DCC: variants seen among roughly 807,000 people sequenced by gnomAD.
DCC encodes the protein netrin receptor DCC.
Under a neutral mutation model 172.5 loss-of-function variants are expected in DCC, and 58 were observed. That is an observed-to-expected ratio of 0.34 (90% CI 0.27 to 0.42). The LOEUF is 0.42. Ranked by LOEUF, DCC falls within the 10% of genes least tolerant of loss-of-function variation. The probability of loss-of-function intolerance (pLI) is 1.00; values close to 1 mark genes in which losing one functional copy is unlikely to be tolerated. For synonymous variants in DCC, 709 were observed against 644.5 expected (o/e 1.10, Z -1.52); for missense variants, 1,740 against 1,791.0 (o/e 0.97, Z 0.51).
At chr18:52,759,796 C>T (rs943469237) in intron 2 of DCC, among the ~76,000 whole-genome samples, 1 of 152,024 alleles carries the variant, frequency 6.6e-6, no homozygotes, top group African/African-American at 2.4e-5. Flanking sequence ...TTTAACAAAA[C>T]ACAGATTAAC....
chr18:53,461,494 A>G (rs1009453646), intron 24 of DCC, among the ~76,000 whole-genome samples: 1 of 152,126 alleles, frequency 6.6e-6, no homozygotes, highest in South Asian at 2.1e-4. Flanking sequence ...TCAGCTTTCT[A>G]CATATGGCTA....
chr18:52,659,266 G>A (rs1176973161), intron 1 of DCC, among the ~76,000 whole-genome samples: 1 of 151,994 alleles, frequency 6.6e-6, no homozygotes, highest in Non-Finnish European at 1.5e-5. Flanking sequence ...CCTCTCATTT[G>A]GGGAGTAAAT....
At chr18:52,489,497 A>G (rs1173226672) in intron 1 of DCC, among the ~76,000 whole-genome samples, 1 of 152,164 alleles carries the variant, frequency 6.6e-6, no homozygotes, top group Non-Finnish European at 1.5e-5. Context: ...TGAGATCTCA[A>G]AAACGTGAGA....
chr18:52,807,025 T>C (rs1478074378), intron 2 of DCC, among the ~76,000 whole-genome samples: 1 of 152,100 alleles, frequency 6.6e-6, no homozygotes, highest in Non-Finnish European at 1.5e-5. Context: ...AAACCGTATC[T>C]CTACTAAACA....
chr18:52,721,806 C>T (rs1351434213), intron 1 of DCC, among the ~76,000 whole-genome samples: 8 of 152,134 alleles, frequency 5.3e-5, no homozygotes, highest in African/African-American at 1.9e-4. Flanking sequence ...AGGTGGATCA[C>T]CAGAGGTTGG....
At position 53,244,133 on chromosome 18, in the gene DCC, G is replaced by A. The variant is rs146162291; in HGVS notation, c.1911+28536G>A. The stretch of plus-strand genomic sequence containing the variant: ...AATTCACTTTCTCTTGTCACACTGA[G>A]TTTTTTTCTTTCCACCATGGAAAAC... On this transcript the variant is annotated intron_variant, in intron 12 of 28. Coordinates refer to ENST00000442544, the MANE Select transcript of DCC (RefSeq NM_005215.4). Among the ~76,000 whole-genome samples, 173 of 152,194 alleles carry A rather than the reference G, an allele frequency of 1.1e-3. 1 individual carries two copies. The highest frequency in any genetic ancestry group is 5.4e-3 in the East Asian group (28 of 5,166).
At chr18:53,428,350 T>TATA (rs1276782235) in intron 21 of DCC, among the ~76,000 whole-genome samples, 1 of 52,614 alleles carries the variant, frequency 1.9e-5, no homozygotes, top group Admixed American at 3.4e-4. Context: ...TATAATATAA[T>TATA]ATATGTTGTA....
intron 1 of DCC, among the ~76,000 whole-genome samples, chr18:52,624,125 T>A (rs2034529428): frequency 6.6e-6 from 1 of 152,114 alleles, no homozygotes; most frequent in African/African-American, 2.4e-5. Flanking sequence ...ATCACACAGA[T>A]AAGATCCCTC....
At chr18:52,550,347 T>TA (rs569685382) in intron 1 of DCC, among the ~76,000 whole-genome samples, 4,806 of 150,746 alleles carry the variant, frequency 0.032, 186 homozygotes, top group African/African-American at 0.091. Context: ...AGAAAAGAGA[T>TA]TAAAAAAAAC....
chr18:53,310,194 T>C (rs2057250312), intron 13 of DCC, among the ~76,000 whole-genome samples: 1 of 152,038 alleles, frequency 6.6e-6, no homozygotes, highest in South Asian at 2.1e-4. Context: ...TACATACTTG[T>C]AGATTGGCTT....
chr18:53,358,903 G>A (rs1291861124), intron 15 of DCC, among the ~76,000 whole-genome samples: 1 of 152,072 alleles, frequency 6.6e-6, no homozygotes, highest in Non-Finnish European at 1.5e-5. Context: ...GAATAAGTGT[G>A]GTCACATAGT....
chr18:52,732,741 T>A (rs2145096702), intron 1 of DCC, among the ~76,000 whole-genome samples: 1 of 152,308 alleles, frequency 6.6e-6, no homozygotes, highest in South Asian at 2.1e-4. Context: ...ATTTGTCACA[T>A]CCTCAGGCTC....
At chr18:53,235,676 G>C (rs372950028) in intron 12 of DCC, among the ~76,000 whole-genome samples, 4 of 132,852 alleles carry the variant, frequency 3.0e-5, no homozygotes, top group African/African-American at 8.2e-5. Flanking sequence ...ATTCATTGAC[G>C]TTAAGTATAT....
intron 1 of DCC, among the ~76,000 whole-genome samples, chr18:52,747,897 T>C (rs2036931614): frequency 6.6e-6 from 1 of 152,224 alleles, no homozygotes; most frequent in Non-Finnish European, 1.5e-5. Context: ...CCTTGCCTAA[T>C]GACACGGTAT....
intron 2 of DCC, among the ~76,000 whole-genome samples, chr18:52,902,693 AC>A (rs1374722629): frequency 2.6e-5 from 4 of 152,142 alleles, no homozygotes; most frequent in African/African-American, 9.7e-5. Flanking sequence ...TTCTTTTAAG[AC>A]TGTTGCTGGG....
chr18:52,685,409 T>A (rs1054622937), intron 1 of DCC, among the ~76,000 whole-genome samples: 4 of 152,254 alleles, frequency 2.6e-5, no homozygotes, highest in African/African-American at 9.6e-5. Context: ...AGCCCTGCTA[T>A]GTTTTGGATA....
intron 1 of DCC, among the ~76,000 whole-genome samples, chr18:52,569,090 A>G (rs2033232646): frequency 6.6e-6 from 1 of 152,208 alleles, no homozygotes; most frequent in South Asian, 2.1e-4. Context: ...AGTCTGTGTA[A>G]TAACAAGATA....
At chr18:52,816,182 A>G (rs1003341071) in intron 2 of DCC, among the ~76,000 whole-genome samples, 1 of 152,238 alleles carries the variant, frequency 6.6e-6, no homozygotes, top group African/African-American at 2.4e-5. Flanking sequence ...ACAGCTGTGA[A>G]GGAAATGAGT....
At chr18:52,591,090 C>T (rs1182809945) in intron 1 of DCC, among the ~76,000 whole-genome samples, 2 of 152,082 alleles carry the variant, frequency 1.3e-5, no homozygotes, top group Admixed American at 6.5e-5. Context: ...TGGAAAATGT[C>T]TACCATTGCT....
Sources: gnomAD v4.1 joint callset for allele counts (sites outside exome capture counted in the v4.1 genomes callset) on GRCh38, gnomAD v4.1.1 for gene constraint, MANE v1.5 for transcripts, NCBI Gene and HGNC (gene_info 2026-07-23, HGNC 2026-07-21) for gene names.